NELL1: variants seen among roughly 807,000 people sequenced by gnomAD.
The protein encoded by NELL1 is neural EGFL like 1.
Under a neutral mutation model 107.4 loss-of-function variants are expected in NELL1, and 76 were observed. The ratio of observed to expected loss-of-function variants is 0.71; its 90% CI spans 0.59 to 0.86. The LOEUF is 0.86. NELL1 is among the 40% of genes least tolerant of loss of function. The pLI, the probability that NELL1 is intolerant of heterozygous loss-of-function variation, is 0.00. For missense variants in NELL1, 1,024 were observed against 1,005.5 expected (o/e 1.02, Z -0.25); for synonymous variants, 353 against 341.2 (o/e 1.03, Z -0.38).
At chr11:21,415,295 G>A (rs1366601622) in intron 15 of NELL1, among the ~76,000 whole-genome samples, 5 of 152,084 alleles carry the variant, frequency 3.3e-5, no homozygotes, top group Admixed American at 3.3e-4. Context: ...GTGTCCAGAG[G>A]TGCACAGCCT....
At chr11:21,332,373 G>A (rs1196388514) in intron 14 of NELL1, among the ~76,000 whole-genome samples, 1 of 151,846 alleles carries the variant, frequency 6.6e-6, no homozygotes, top group African/African-American at 2.4e-5. Context: ...ATTGCAGCAA[G>A]AGTACTGTGC....
chr11:21,172,741 T>G lies in NELL1; in HGVS notation c.1427-56591T>G, dbSNP rs565077973. ...ACTATGCCAAATACTCTATCTGCAT[T>G]TTCAGGAATGAGACATTTTGCACAC... On this transcript the variant is annotated intron_variant, in intron 13 of 19. Coordinates refer to ENST00000357134, the MANE Select transcript of NELL1 (RefSeq NM_006157.5). Among the ~76,000 whole-genome samples, 57 of 151,984 alleles carry G rather than the reference T, an allele frequency of 3.8e-4. 4 individuals carry two copies. The highest frequency in any genetic ancestry group is 1.3e-3 in the African/African-American group (53 of 41,284).
At chr11:21,023,788 G>T (rs117795527) in intron 12 of NELL1, among the ~76,000 whole-genome samples, 9 of 152,042 alleles carry the variant, frequency 5.9e-5, no homozygotes, top group African/African-American at 2.2e-4. Flanking sequence ...CAGGTGCCTG[G>T]TGTGGTGTCA....
At position 20,848,080 on chromosome 11, in the gene NELL1, T is replaced by G. The variant is rs191199674; in HGVS notation, c.506+327T>G. On this transcript the variant is annotated intron_variant, in intron 4 of 19. Transcript: ENST00000357134. ...ATGGAGCTGTGATCACAGTTAACGG[T>G]GATGTATTGTTGTTGAGTTCGTTCC... is the stretch of plus-strand genomic sequence containing the variant. 5.9e-5 allele frequency among the ~76,000 whole-genome samples: 9 copies of G among 152,148 alleles called. No individual in the cohort carries two copies. In the East Asian group the frequency reaches 1.7e-3, roughly 29 times the overall value.
rs574606148 is a variant in NELL1, at chr11:20,755,865, G to GTTTTTTTTT, written c.185-27780_185-27772dup. ...GCCACCACGCCCAGCCAGACCTGCG[G>GTTTTTTTTT]TTTTTTTTTTTTTTTTTTTTTTTTT... On this transcript the variant is annotated intron_variant, in intron 2 of 19. Coordinates refer to ENST00000357134, the MANE Select transcript of NELL1 (RefSeq NM_006157.5). Among the ~76,000 whole-genome samples the GTTTTTTTTT allele has an allele frequency of 3.7e-4, 45 of 122,070 alleles. 1 individual carries two copies. The highest frequency in any genetic ancestry group is 4.1e-3 in the Middle Eastern group (1 of 246). 80.1% of individuals were successfully genotyped at this position (122,070 alleles called of 152,430 possible).
chr11:21,226,522 C>G (rs1361965129), intron 13 of NELL1, among the ~76,000 whole-genome samples: 3 of 152,170 alleles, frequency 2.0e-5, no homozygotes, highest in Non-Finnish European at 4.4e-5. Context: ...AAACTTACTT[C>G]ATTTAATTGC....
chr11:20,888,171 G>A (rs1449545445), intron 5 of NELL1, among the ~76,000 whole-genome samples: 1 of 151,950 alleles, frequency 6.6e-6, no homozygotes, highest in Non-Finnish European at 1.5e-5. Context: ...ATTAGACACA[G>A]GTAGGAAGAG....
At chr11:21,071,266 G>C (rs1215469074) in intron 12 of NELL1, among the ~76,000 whole-genome samples, 1 of 152,144 alleles carries the variant, frequency 6.6e-6, no homozygotes, top group Non-Finnish European at 1.5e-5. Flanking sequence ...CTTTGGAGAA[G>C]GGATCACCTC....
chr11:21,044,561 G>A (rs1853312212), intron 12 of NELL1, among the ~76,000 whole-genome samples: 2 of 152,144 alleles, frequency 1.3e-5, no homozygotes, highest in Admixed American at 1.3e-4. Flanking sequence ...ACCAGAGCAT[G>A]TATATAAGTG....
intron 7 of NELL1, among the ~76,000 whole-genome samples, chr11:20,924,996 G>T (rs539881849): frequency 6.6e-6 from 1 of 152,126 alleles, no homozygotes; most frequent in African/African-American, 2.4e-5. Context: ...TGAATGAATT[G>T]ATGTTTAGAC....
chr11:20,676,396 A>G (rs1854057919), intron 1 of NELL1, among the ~76,000 whole-genome samples: 2 of 152,048 alleles, frequency 1.3e-5, no homozygotes, highest in South Asian at 2.1e-4. Flanking sequence ...TGTGTGCTAT[A>G]TAGTAAGCAC....
At position 21,227,059 on chromosome 11, in the gene NELL1, C is replaced by G. The variant is rs138127992; in HGVS notation, c.1427-2273C>G. 2.7e-3 allele frequency among the ~76,000 whole-genome samples: 412 copies of G among 152,306 alleles called. 3 individuals are homozygous for G. Among genetic ancestry groups the G allele is most frequent in the African/African-American group, 9.5e-3 (394 of 41,572 alleles). On this transcript the variant is annotated intron_variant, in intron 13 of 19. Transcript: ENST00000357134. ...AAGGATAGACCAGGCTTTTGGAATG[C>G]TGCACAGAACCATACCTTTCTCCAT...
At chr11:21,109,034 G>A (rs1855040591) in intron 12 of NELL1, among the ~76,000 whole-genome samples, 1 of 152,052 alleles carries the variant, frequency 6.6e-6, no homozygotes, top group Admixed American at 6.6e-5. Flanking sequence ...TGGTCATATT[G>A]TTTGGATCCA....
chr11:21,268,551 C>G (rs1848679106), intron 14 of NELL1, among the ~76,000 whole-genome samples: 1 of 152,144 alleles, frequency 6.6e-6, no homozygotes, highest in Non-Finnish European at 1.5e-5. Flanking sequence ...CCCACTCTAA[C>G]CAACCTGTCC....
chr11:21,292,265 A>G (rs7110989), intron 14 of NELL1, among the ~76,000 whole-genome samples: 3,373 of 152,280 alleles, frequency 0.022, 133 homozygotes, highest in African/African-American at 0.077. Flanking sequence ...CAAAAATCAC[A>G]AGCATTACTA....
intron 3 of NELL1, among the ~76,000 whole-genome samples, chr11:20,787,943 A>C (rs954883952): frequency 1.3e-5 from 2 of 152,328 alleles, no homozygotes; most frequent in African/African-American, 4.8e-5. Flanking sequence ...TATTTCATAT[A>C]AGTGAAATCA....
chr11:20,993,515 A>G (rs936321701), intron 12 of NELL1, among the ~76,000 whole-genome samples: 3 of 152,146 alleles, frequency 2.0e-5, no homozygotes, highest in Non-Finnish European at 2.9e-5. Context: ...TAATGAATAT[A>G]GTAAAATGTA....
chr11:21,296,541 T>C (rs986696825), intron 14 of NELL1, among the ~76,000 whole-genome samples: 2 of 151,960 alleles, frequency 1.3e-5, no homozygotes, highest in South Asian at 2.1e-4. Flanking sequence ...CTGATAACCA[T>C]ACAAAACACT....
intron 4 of NELL1, among the ~76,000 whole-genome samples, chr11:20,860,946 A>G (rs556260257): frequency 4.6e-5 from 7 of 152,292 alleles, no homozygotes; most frequent in African/African-American, 1.2e-4. Context: ...TGCACAGGAC[A>G]TATCTCCATC....
Sources: allele counts gnomAD v4.1 joint callset (sites outside exome capture counted in the v4.1 genomes callset), GRCh38; gene constraint gnomAD v4.1.1; transcripts MANE v1.5; gene names NCBI Gene and HGNC (gene_info 2026-07-23, HGNC 2026-07-21).